Variants in PPP2R5E observed in about 807,000 individuals in gnomAD.
PPP2R5E encodes the protein protein phosphatase 2 regulatory subunit B'epsilon, also known as serine/threonine-protein phosphatase 2A 56 kDa regulatory subunit epsilon isoform.
A neutral mutation model predicts 65.3 loss-of-function variants in PPP2R5E; 4 were observed. The observed-to-expected ratio is 0.06, with a 90% CI of 0.03 to 0.14. The LOEUF is 0.14. Ranked by LOEUF, PPP2R5E falls within the 10% of genes least tolerant of loss-of-function variation. PPP2R5E has a pLI of 1.00. For missense variants in PPP2R5E, 274 were observed against 556.1 expected (o/e 0.49, Z 5.10); for synonymous variants, 183 against 187.4 (o/e 0.98, Z 0.19).
chr14:63,522,797 C>A (rs1892993966), intron 2 of PPP2R5E, among the ~76,000 whole-genome samples: 1 of 151,532 alleles, frequency 6.6e-6, no homozygotes, highest in Non-Finnish European at 1.5e-5. Context: ...GCAGCCACCC[C>A]GTCCAGGAAG....
At chr14:63,517,033 A>T (rs1892695654) in intron 2 of PPP2R5E, among the ~76,000 whole-genome samples, 1 of 152,184 alleles carries the variant, frequency 6.6e-6, no homozygotes, top group African/African-American at 2.4e-5. Context: ...ACTTTATAGG[A>T]TCCACTTGAA....
chr14:63,481,081 CAT>C, intron 2 of PPP2R5E, among the ~76,000 whole-genome samples: 1 of 152,294 alleles, frequency 6.6e-6, no homozygotes, highest in South Asian at 2.1e-4. Flanking sequence ...ATTTTTGACA[CAT>C]AACTCAGAAA....
intron 2 of PPP2R5E, among the ~76,000 whole-genome samples, chr14:63,493,025 A>G (rs1891355914): frequency 6.6e-6 from 1 of 152,176 alleles, no homozygotes; most frequent in Non-Finnish European, 1.5e-5. Context: ...AAGAGCAGCC[A>G]GCCGCTCTAG....
At chr14:63,483,526 A>T (rs886848599) in intron 2 of PPP2R5E, among the ~76,000 whole-genome samples, 3 of 152,204 alleles carry the variant, frequency 2.0e-5, no homozygotes, top group African/African-American at 7.2e-5. Context: ...GCACGTACAC[A>T]GCGCATTCAC....
At chr14:63,396,384 TG>T (rs1171040241) in intron 6 of PPP2R5E, among the ~76,000 whole-genome samples, 1 of 53,864 alleles carries the variant, frequency 1.9e-5, no homozygotes, top group Non-Finnish European at 3.4e-5. Flanking sequence ...GAGGAGAAGA[TG>T]GGGGAGGAGA....
intron 5 of PPP2R5E, among the ~76,000 whole-genome samples, chr14:63,411,950 T>C (rs965979941): frequency 9.2e-5 from 14 of 152,196 alleles, no homozygotes; most frequent in African/African-American, 3.4e-4. Context: ...AGCGTACCCA[T>C]ATATAATAGT....
intron 2 of PPP2R5E, among the ~76,000 whole-genome samples, chr14:63,534,760 C>G (rs937186316): frequency 2.6e-5 from 4 of 152,168 alleles, no homozygotes; most frequent in African/African-American, 9.7e-5. Context: ...GCTGGGACCA[C>G]AGGTGTACAC....
chr14:63,388,386 G>A (rs1266829859), intron 11 of PPP2R5E, among the ~76,000 whole-genome samples: 3 of 152,002 alleles, frequency 2.0e-5, no homozygotes, highest in East Asian at 1.9e-4. Context: ...TGATCCACCC[G>A]CCTCAGCCTC....
chr14:63,446,607 A>G (rs1888490428), intron 3 of PPP2R5E, among the ~76,000 whole-genome samples: 4 of 152,070 alleles, frequency 2.6e-5, no homozygotes, highest in Non-Finnish European at 5.9e-5. Flanking sequence ...AGGCGGGTGG[A>G]CCACGAGATC....
At chr14:63,482,417 C>A (rs1890754899) in intron 2 of PPP2R5E, among the ~76,000 whole-genome samples, 1 of 152,196 alleles carries the variant, frequency 6.6e-6, no homozygotes, top group Admixed American at 6.5e-5. Context: ...CAAGATCGCA[C>A]CACTGCATTC....
intron 5 of PPP2R5E, among the ~76,000 whole-genome samples, chr14:63,411,942 C>T (rs1354711000): frequency 2.0e-5 from 3 of 152,138 alleles, no homozygotes; most frequent in African/African-American, 4.8e-5. Context: ...GGGCTTTTAG[C>T]GTACCCATAT....
intron 5 of PPP2R5E, among the ~76,000 whole-genome samples, chr14:63,403,711 C>CA (rs1005088862): frequency 5.2e-4 from 78 of 150,120 alleles, no homozygotes; most frequent in African/African-American, 1.9e-3. Context: ...TGGTTACTCT[C>CA]AGAGAATTAA....
chr14:63,530,992 A>T (rs76664468), intron 2 of PPP2R5E, among the ~76,000 whole-genome samples: 21,336 of 152,168 alleles, frequency 0.14, 1,647 homozygotes, highest in African/African-American at 0.19. Flanking sequence ...AGGATATATT[A>T]AAAAATGTAT....
intron 1 of PPP2R5E, among the ~76,000 whole-genome samples, chr14:63,540,862 T>A (rs1459839916): frequency 6.6e-6 from 1 of 152,222 alleles, no homozygotes; most frequent in African/African-American, 2.4e-5. Flanking sequence ...TTATAAGCAT[T>A]AAAGATACTC....
chr14:63,441,855 A>C (rs1009041662), intron 3 of PPP2R5E, among the ~76,000 whole-genome samples: 3 of 151,356 alleles, frequency 2.0e-5, no homozygotes, highest in Non-Finnish European at 4.4e-5. Context: ...GCTTGCCGTG[A>C]GCCAAGATCG....
At chr14:63,538,846 G>A (rs1189027266) in intron 2 of PPP2R5E, among the ~76,000 whole-genome samples, 2 of 152,006 alleles carry the variant, frequency 1.3e-5, no homozygotes, top group African/African-American at 4.8e-5. Context: ...TCGGGAAGCT[G>A]AGGCAGGAAA....
intron 2 of PPP2R5E, among the ~76,000 whole-genome samples, chr14:63,512,744 G>T (rs1892513867): frequency 6.6e-6 from 1 of 151,948 alleles, no homozygotes; most frequent in African/African-American, 2.4e-5. Context: ...TTAAAACAAA[G>T]TTAATTGTCA....
intron 3 of PPP2R5E, among the ~76,000 whole-genome samples, chr14:63,442,818 G>A (rs1888301594): frequency 6.6e-6 from 1 of 152,114 alleles, no homozygotes; most frequent in Non-Finnish European, 1.5e-5. Context: ...CATGGTTAAG[G>A]GGGGACTATC....
intron 2 of PPP2R5E, among the ~76,000 whole-genome samples, chr14:63,480,820 T>C (rs1424204857): frequency 6.6e-6 from 1 of 152,172 alleles, no homozygotes; most frequent in African/African-American, 2.4e-5. Flanking sequence ...CTGCAAATTC[T>C]TCTTTTTCAG....
Sources: allele counts gnomAD v4.1 joint callset (sites outside exome capture counted in the v4.1 genomes callset), GRCh38; gene constraint gnomAD v4.1.1; transcripts MANE v1.5; gene names NCBI Gene and HGNC (gene_info 2026-07-23, HGNC 2026-07-21).